GHR: variants seen among roughly 807,000 people sequenced by gnomAD.
GHR encodes growth hormone receptor.
In GHR, 35 loss-of-function variants were observed where a neutral mutation model predicts 67.1. That is an observed-to-expected ratio of 0.52 (90% confidence interval 0.40 to 0.69). The LOEUF (loss-of-function observed/expected upper bound fraction) is 0.69. Among genes scored for constraint, GHR ranks in the 30% least tolerant of loss-of-function variants. The pLI, the probability that GHR is intolerant of heterozygous loss-of-function variation, is 0.00. For synonymous variants in GHR, 272 were observed against 269.1 expected, an observed-to-expected ratio of 1.01 and a Z score of -0.10; for missense variants, 792 against 764.6, an observed-to-expected ratio of 1.04 and a Z score of -0.42.
At chr5:42,600,918 CTTTTTTT>C (rs933355797) in intron 2 of GHR, among the ~76,000 whole-genome samples, 4 of 66,664 alleles carry the variant, frequency 6.0e-5, no homozygotes, top group Non-Finnish European at 7.8e-5. Flanking sequence ...TCTTTCTATT[CTTTTTTT>C]TTTTTTTTTT....
At chr5:42,550,061 G>T (rs927342201) in intron 1 of GHR, 9 of 966,220 alleles carry the variant, frequency 9.3e-6, no homozygotes, top group Non-Finnish European at 1.1e-5. Context: ...TGATTTGTTT[G>T]TATTGTCTGC....
At chr5:42,425,298 C>T (rs576541754) in intron 1 of GHR, among the ~76,000 whole-genome samples, 1 of 152,204 alleles carries the variant, frequency 6.6e-6, no homozygotes, top group Non-Finnish European at 1.5e-5. Context: ...GTCCACAGTC[C>T]AGGGACTGGC....
chr5:42,428,944 G>T (rs866503760), intron 1 of GHR, among the ~76,000 whole-genome samples: 21 of 152,142 alleles, frequency 1.4e-4, no homozygotes, highest in African/African-American at 4.8e-4. Context: ...GTCTTCTTTT[G>T]AGCCCTCCAT....
At chr5:42,675,988 T>TA (rs1756553294) in intron 3 of GHR, among the ~76,000 whole-genome samples, 1 of 152,132 alleles carries the variant, frequency 6.6e-6, no homozygotes, top group South Asian at 2.1e-4. Flanking sequence ...TTTAAAATTA[T>TA]AAAAAAGGAA....
At chr5:42,516,097 A>G (rs141750790) in intron 1 of GHR, among the ~76,000 whole-genome samples, 1 of 152,260 alleles carries the variant, frequency 6.6e-6, no homozygotes, top group East Asian at 1.9e-4. Context: ...AGTCTTTATA[A>G]TCTCTAATTG....
chr5:42,483,656 A>G (rs903373176), intron 1 of GHR, among the ~76,000 whole-genome samples: 1 of 152,192 alleles, frequency 6.6e-6, no homozygotes, highest in Admixed American at 6.5e-5. Context: ...CGAATCTGAA[A>G]GTGATACCCA....
intron 1 of GHR, among the ~76,000 whole-genome samples, chr5:42,520,472 C>T (rs1455059938): frequency 6.6e-6 from 1 of 152,168 alleles, no homozygotes; most frequent in Non-Finnish European, 1.5e-5. Flanking sequence ...TAACCCTGCA[C>T]TGTCTGCCAT....
chr5:42,552,570 T>TGGCCTG (rs1749090146), intron 1 of GHR, among the ~76,000 whole-genome samples: 1 of 152,190 alleles, frequency 6.6e-6, no homozygotes, highest in African/African-American at 2.4e-5. Context: ...GATCCAGAAG[T>TGGCCTG]GATTAGACTC....
chr5:42,620,683 A>G (rs942972462), intron 2 of GHR, among the ~76,000 whole-genome samples: 45 of 152,280 alleles, frequency 3.0e-4, no homozygotes, highest in African/African-American at 9.4e-4. Flanking sequence ...TGGTGTAAAT[A>G]TACCCACTGT....
intron 2 of GHR, among the ~76,000 whole-genome samples, chr5:42,627,212 C>A (rs1697981839): frequency 6.6e-6 from 1 of 152,090 alleles, no homozygotes; most frequent in African/African-American, 2.4e-5. Flanking sequence ...TTTTACTGAA[C>A]TTTTTTTCAT....
rs1184724932 is a variant in GHR at position 42,516,471 on chromosome 5, T to A, written c.-11-49393T>A. ...AGCTATGTGATCCTGGGCTTCAGGG[T>A]TCCCTTTTGCAACATGACATGATTG... On this transcript the variant is annotated intron_variant, in intron 1 of 9. Transcript: ENST00000230882. Among the ~76,000 whole-genome samples the A allele has an allele frequency of 5.9e-5, 9 of 152,176 alleles. 1 individual carries two copies. The South Asian group carries it at 1.9e-3, about 32-fold the overall frequency.
intron 6 of GHR, among the ~76,000 whole-genome samples, chr5:42,704,036 T>C (rs1204497807): frequency 6.6e-6 from 1 of 151,974 alleles, no homozygotes; most frequent in Non-Finnish European, 1.5e-5. Context: ...CTTTTATTTC[T>C]CTCTTTTGCT....
intron 2 of GHR, among the ~76,000 whole-genome samples, chr5:42,614,325 T>C (rs1380133088): frequency 1.3e-5 from 2 of 151,984 alleles, no homozygotes; most frequent in African/African-American, 2.4e-5. Context: ...ATGCTAAGAT[T>C]ATGCCTTGTG....
chr5:42,492,463 A>G (rs1160178117), intron 1 of GHR, among the ~76,000 whole-genome samples: 2 of 152,132 alleles, frequency 1.3e-5, no homozygotes, highest in Non-Finnish European at 2.9e-5. Flanking sequence ...AAGATACTGA[A>G]GGCTGTTTTT....
At chr5:42,452,995 T>C (rs899995420) in intron 1 of GHR, among the ~76,000 whole-genome samples, 1 of 152,136 alleles carries the variant, frequency 6.6e-6, no homozygotes, top group African/African-American at 2.4e-5. Context: ...AGAATTACTT[T>C]TCTGGTTCCT....
chr5:42,711,323 G>C lies in GHR; in HGVS notation c.735G>C (p.Glu245Asp), dbSNP rs1471600725. Residue 245 changes from glutamate (E) to aspartate (D), a missense_variant, in exon 7 of 10, where the codon GAG (glutamate) becomes GAC (aspartate). By Grantham distance (45) the Glu-to-Asp change is conservative. Transcript: ENST00000230882. Reference protein sequence around the residue: ...RNSGNYGEFSEVLYVTLPQMS... With the variant: ...RNSGNYGEFSDVLYVTLPQMS... ...CTGGAAATTATGGCGAGTTCAGTGA[G>C]GTGCTCTATGTAACACTTCCTCAGA... 2 of 1,613,154 alleles carry C rather than the reference G, an allele frequency of 1.2e-6. No homozygotes were observed. The highest frequency in any genetic ancestry group is 1.7e-6 in the Non-Finnish European group (2 of 1,179,134).
intron 2 of GHR, among the ~76,000 whole-genome samples, chr5:42,627,420 T>G (rs1753757154): frequency 6.6e-6 from 1 of 152,234 alleles, no homozygotes; most frequent in Non-Finnish European, 1.5e-5. Flanking sequence ...AATTTTAATT[T>G]TTAAAAGGGG....
chr5:42,719,823 G>A lies in GHR; in HGVS notation c.*399G>A, dbSNP rs1334317369. Reference sequence around the variant, plus strand: ...AAATTGAATGCAAACCATAGCACAGGCTAATTTTTTGTTGTTTCTTAAATA... The same window carrying A: ...AAATTGAATGCAAACCATAGCACAGACTAATTTTTTGTTGTTTCTTAAATA... On this transcript the variant is annotated 3_prime_UTR_variant, in exon 10 of 10. Coordinates refer to ENST00000230882, the MANE Select transcript of GHR (RefSeq NM_000163.5). 6.0e-6 allele frequency: 1 copy of A among 166,178 alleles called. No individual in the cohort carries two copies. The highest frequency in any genetic ancestry group is 2.4e-5 in the African/African-American group (1 of 41,474). 10.3% of individuals were successfully genotyped at this position (166,178 alleles called of 1,614,324 possible).
intron 1 of GHR, among the ~76,000 whole-genome samples, chr5:42,562,436 T>TCC (rs1472912514): frequency 6.6e-6 from 1 of 152,008 alleles, no homozygotes; most frequent in East Asian, 1.9e-4. Context: ...TTAGTTAGAG[T>TCC]CGGGTCCCTA....
Sources: allele counts gnomAD v4.1 joint callset (sites outside exome capture counted in the v4.1 genomes callset), GRCh38; gene constraint gnomAD v4.1.1; transcripts MANE v1.5; gene names NCBI Gene and HGNC (gene_info 2026-07-23, HGNC 2026-07-21).